Variants in ROBO2 observed in about 807,000 individuals in gnomAD.
The protein encoded by ROBO2 is roundabout guidance receptor 2, also known as roundabout homolog 2.
Under a neutral mutation model 160.8 loss-of-function variants are expected in ROBO2, and 53 were observed. That is an observed-to-expected ratio of 0.33 (90% confidence interval 0.26 to 0.41). The LOEUF is 0.41. Among genes scored for constraint, ROBO2 ranks in the 10% least tolerant of loss-of-function variants. The pLI, the probability that ROBO2 is intolerant of heterozygous loss-of-function variation, is 1.00. For missense variants in ROBO2, 1,577 were observed against 1,722.4 expected (o/e 0.92, Z 1.49); for synonymous variants, 664 against 611.7 (o/e 1.09, Z -1.26).
intron 2 of ROBO2, among the ~76,000 whole-genome samples, chr3:76,474,501 A>G (rs2078827850): frequency 1.3e-5 from 2 of 152,154 alleles, no homozygotes; most frequent in African/African-American, 4.8e-5. Context: ...TCTAAGTGGT[A>G]GAAAAGCAGT....
intron 2 of ROBO2, among the ~76,000 whole-genome samples, chr3:76,079,161 C>G (rs1223057601): frequency 6.6e-6 from 1 of 151,994 alleles, no homozygotes; most frequent in Non-Finnish European, 1.5e-5. Context: ...AGTGAAGAAA[C>G]AAGTTTTAAG....
chr3:76,554,151 T>C (rs1420426829), intron 2 of ROBO2, among the ~76,000 whole-genome samples: 1 of 152,204 alleles, frequency 6.6e-6, no homozygotes, highest in Admixed American at 6.5e-5. Context: ...TGAAAACATA[T>C]TGTATAACTT....
intron 2 of ROBO2, among the ~76,000 whole-genome samples, chr3:76,971,874 T>G (rs1400322632): frequency 6.6e-6 from 1 of 152,180 alleles, no homozygotes; most frequent in Non-Finnish European, 1.5e-5. Flanking sequence ...GCAAAGGGAA[T>G]CCCTATGGCA....
chr3:76,739,625 A>C (rs570245469), intron 2 of ROBO2, among the ~76,000 whole-genome samples: 1 of 146,060 alleles, frequency 6.8e-6, no homozygotes, highest in African/African-American at 2.4e-5. Context: ...TTAAAAGTAT[A>C]ATTAAAAAAA....
chr3:77,589,198 A>G (rs79422620), intron 17 of ROBO2, among the ~76,000 whole-genome samples: 4,091 of 146,948 alleles, frequency 0.028, 126 homozygotes, highest in East Asian at 0.13. Flanking sequence ...TTTCTCAACT[A>G]GTTCTTTGAA....
At chr3:76,767,073 T>A (rs1305163348) in intron 2 of ROBO2, among the ~76,000 whole-genome samples, 1 of 151,490 alleles carries the variant, frequency 6.6e-6, no homozygotes, top group East Asian at 2.0e-4. Flanking sequence ...ATAGATTAAC[T>A]GAATCTCAAG....
intron 2 of ROBO2, among the ~76,000 whole-genome samples, chr3:77,173,823 T>C (rs7644019): frequency 0.4 from 60,036 of 151,882 alleles, 12,422 homozygotes; most frequent in Middle Eastern, 0.54. Flanking sequence ...ACAATATTAT[T>C]TCTCCTAATT....
intron 2 of ROBO2, among the ~76,000 whole-genome samples, chr3:75,996,355 T>G (rs1029650960): frequency 6.6e-6 from 1 of 152,156 alleles, no homozygotes; most frequent in Non-Finnish European, 1.5e-5. Flanking sequence ...GCGTCTGGCG[T>G]TTCCCCTCCT....
chr3:77,151,528 T>C (rs903686732), intron 2 of ROBO2, among the ~76,000 whole-genome samples: 7 of 152,168 alleles, frequency 4.6e-5, no homozygotes, highest in African/African-American at 1.4e-4. Context: ...TCTTCTCTTT[T>C]TGAATCTGCA....
At chr3:76,754,375 C>T (rs1220095066) in intron 2 of ROBO2, among the ~76,000 whole-genome samples, 3 of 151,766 alleles carry the variant, frequency 2.0e-5, no homozygotes, top group Admixed American at 6.6e-5. Flanking sequence ...TTAACTGCAC[C>T]GTATACATTA....
At chr3:76,460,185 A>T (rs2106758529) in intron 2 of ROBO2, among the ~76,000 whole-genome samples, 1 of 152,220 alleles carries the variant, frequency 6.6e-6, no homozygotes, top group South Asian at 2.1e-4. Context: ...TGTGCCAAAA[A>T]TATAATGGAT....
chr3:76,773,066 A>G (rs562909485), intron 2 of ROBO2, among the ~76,000 whole-genome samples: 1 of 151,254 alleles, frequency 6.6e-6, no homozygotes, highest in East Asian at 2.0e-4. Flanking sequence ...ACACAAATGT[A>G]AGAAGTCACA....
chr3:76,967,123 A>G (rs754982936), intron 2 of ROBO2, among the ~76,000 whole-genome samples: 22 of 152,208 alleles, frequency 1.4e-4, no homozygotes, highest in Non-Finnish European at 2.9e-4. Flanking sequence ...GCAGATACAC[A>G]TGAATGGAAA....
chr3:77,338,750 G>A (rs914459441), intron 2 of ROBO2, among the ~76,000 whole-genome samples: 6 of 152,110 alleles, frequency 3.9e-5, no homozygotes, highest in African/African-American at 1.4e-4. Context: ...TATAGGTCAA[G>A]AAAATTACTA....
intron 2 of ROBO2, among the ~76,000 whole-genome samples, chr3:76,972,665 T>G (rs1168283699): frequency 1.3e-5 from 2 of 152,046 alleles, no homozygotes; most frequent in Non-Finnish European, 2.9e-5. Flanking sequence ...GAGACAAGCC[T>G]GAGCAACATA....
chr3:76,225,161 C>CTGAG (rs1490862439), intron 2 of ROBO2, among the ~76,000 whole-genome samples: 1 of 152,064 alleles, frequency 6.6e-6, no homozygotes, highest in African/African-American at 2.4e-5. Context: ...GGAACACTCA[C>CTGAG]TGAGGGTCTA....
At chr3:76,580,483 G>T (rs934765906) in intron 2 of ROBO2, among the ~76,000 whole-genome samples, 1 of 150,960 alleles carries the variant, frequency 6.6e-6, no homozygotes, top group African/African-American at 2.4e-5. Flanking sequence ...CATTTGCTAA[G>T]GTAATTAATT....
intron 2 of ROBO2, among the ~76,000 whole-genome samples, chr3:76,658,587 C>G (rs1244646820): frequency 6.6e-6 from 1 of 152,032 alleles, no homozygotes; most frequent in Non-Finnish European, 1.5e-5. Context: ...ACATGCAGTG[C>G]TTGGTTTTCT....
rs112157636 is a variant in ROBO2 at position 76,544,717 on chromosome 3, C to T, written c.110-553297C>T. Among the ~76,000 whole-genome samples the T allele has an allele frequency of 7.9e-3, 1,205 of 152,082 alleles. 18 individuals carry two copies. The highest frequency in any genetic ancestry group is 0.027 in the African/African-American group (1,104 of 41,536). ...TGACCACTTAACAGTGGAGTCACTA[C>T]AGGCAAATAATTCAATTTCCTGTGC... On this transcript the variant is annotated intron_variant, in intron 2 of 26. Transcript: ENST00000487694.
Sources: gnomAD v4.1 joint callset for allele counts (sites outside exome capture counted in the v4.1 genomes callset) on GRCh38, gnomAD v4.1.1 for gene constraint, MANE v1.5 for transcripts, NCBI Gene and HGNC (gene_info 2026-07-23, HGNC 2026-07-21) for gene names.